B3GLCT: variants seen among roughly 807,000 people sequenced by gnomAD.
B3GLCT encodes beta-1,3-glucosyltransferase.
Under a neutral mutation model 63.4 loss-of-function variants are expected in B3GLCT, and 65 were observed. The ratio of observed to expected loss-of-function variants is 1.03; its 90% CI spans 0.84 to 1.26. The LOEUF (loss-of-function observed/expected upper bound fraction) is 1.26. Ranked by LOEUF, B3GLCT falls within the 50% of genes most tolerant of loss-of-function variation. The probability of loss-of-function intolerance (pLI) is 0.00; values close to 1 mark genes in which losing one functional copy is unlikely to be tolerated. For missense variants in B3GLCT, 577 were observed against 604.8 expected (o/e 0.95, Z 0.48); for synonymous variants, 233 against 219.2 (o/e 1.06, Z -0.55).
At chr13:31,295,744 G>T (rs1873903494) in intron 12 of B3GLCT, among the ~76,000 whole-genome samples, 2 of 152,218 alleles carry the variant, frequency 1.3e-5, no homozygotes, top group South Asian at 4.1e-4. Flanking sequence ...ATCTTAGCTT[G>T]CTGGGCTCCG....
chr13:31,200,564 C>A (rs899473916), intron 1 of B3GLCT, among the ~76,000 whole-genome samples: 1 of 151,028 alleles, frequency 6.6e-6, no homozygotes, highest in South Asian at 2.1e-4. Flanking sequence ...GCGGTCCCGC[C>A]CCCCTGCCTT....
intron 4 of B3GLCT, 73 bp downstream of exon 4, chr13:31,229,367 A>G: frequency 1.1e-6 from 1 of 896,296 alleles, no homozygotes; most frequent in Non-Finnish European, 1.9e-6. Flanking sequence ...AAAACACTGG[A>G]TCCGTGGAGA....
chr13:31,289,921 G>T (rs1332563701), intron 12 of B3GLCT, among the ~76,000 whole-genome samples: 1 of 151,640 alleles, frequency 6.6e-6, no homozygotes, highest in Non-Finnish European at 1.5e-5. Flanking sequence ...AAATGTGCAG[G>T]TTTGTTACAT....
At chr13:31,280,931 A>T (rs1159280970) in intron 10 of B3GLCT, among the ~76,000 whole-genome samples, 1 of 152,220 alleles carries the variant, frequency 6.6e-6, no homozygotes, top group African/African-American at 2.4e-5. Context: ...ACATAAGGTG[A>T]TGAATTGGGC....
intron 5 of B3GLCT, among the ~76,000 whole-genome samples, chr13:31,247,490 G>A (rs1186880819): frequency 6.6e-6 from 1 of 152,132 alleles, no homozygotes; most frequent in African/African-American, 2.4e-5. Flanking sequence ...GGCCAGGATG[G>A]CCTTGATCTG....
chr13:31,236,676 A>AT (rs1156280376), intron 4 of B3GLCT, among the ~76,000 whole-genome samples: 1 of 152,202 alleles, frequency 6.6e-6, no homozygotes, highest in African/African-American at 2.4e-5. Flanking sequence ...AGGTAATTTC[A>AT]TTTTTGGGTT....
chr13:31,251,820 C>T (rs1181875909), intron 6 of B3GLCT, among the ~76,000 whole-genome samples: 3 of 152,114 alleles, frequency 2.0e-5, no homozygotes, highest in Non-Finnish European at 4.4e-5. Context: ...GAGAACTTCC[C>T]CAACGTAGCA....
chr13:31,262,818 T>A (rs1787999354), intron 7 of B3GLCT, among the ~76,000 whole-genome samples: 2 of 152,182 alleles, frequency 1.3e-5, no homozygotes, highest in Admixed American at 1.3e-4. Flanking sequence ...CCTCTAGCCT[T>A]CCTCATTTGA....
intron 14 of B3GLCT, among the ~76,000 whole-genome samples, chr13:31,328,978 G>A (rs183723347): frequency 3.3e-5 from 5 of 152,316 alleles, no homozygotes; most frequent in Admixed American, 2.6e-4. Flanking sequence ...TGGTCAGGAA[G>A]AGAGCATGAG....
At chr13:31,269,646 C>A (rs899154678) in intron 8 of B3GLCT, among the ~76,000 whole-genome samples, 5 of 150,070 alleles carry the variant, frequency 3.3e-5, no homozygotes, top group South Asian at 2.1e-4. Flanking sequence ...TGTCCCCGCC[C>A]CCCTAATTCA....
chr13:31,245,306 TTA>T (rs539714895), intron 4 of B3GLCT, among the ~76,000 whole-genome samples: 1 of 152,098 alleles, frequency 6.6e-6, no homozygotes, highest in African/African-American at 2.4e-5. Context: ...TGATATTACA[TTA>T]TATATATATC....
intron 3 of B3GLCT, among the ~76,000 whole-genome samples, chr13:31,228,917 A>T (rs1437512396): frequency 2.0e-5 from 3 of 152,240 alleles, no homozygotes; most frequent in African/African-American, 7.2e-5. Context: ...TCTTTCTGAC[A>T]TATGCGGGAG....
intron 4 of B3GLCT, among the ~76,000 whole-genome samples, chr13:31,244,704 A>G (rs1871113594): frequency 6.6e-6 from 1 of 152,140 alleles, no homozygotes; most frequent in Non-Finnish European, 1.5e-5. Flanking sequence ...TCTAAGTGTA[A>G]TATTACATCT....
In B3GLCT at chr13:31,229,205, G is replaced by T; in HGVS notation, c.181G>T (p.Val61Phe). Residue 61 changes from valine to phenylalanine, a missense_variant, in exon 4 of 15, where the codon GTC (valine) becomes TTC (phenylalanine). Physicochemically the swap from Val to Phe is conservative, Grantham distance 50 (BLOSUM62 -1). Transcript: ENST00000343307. ...TCTAGACTTAAAAGGAATTGTATTC[G>T]TCATCCAGAGTCAAAGTAATTCTTT... ...NDIDLKGIVF[V>F]IQSQSNSFHA... 1.2e-6 allele frequency: 2 copies of T among 1,608,632 alleles called. No homozygotes were observed. Among genetic ancestry groups the T allele is most frequent in the Non-Finnish European group, 1.7e-6 (2 of 1,175,262 alleles).
chr13:31,279,692 T>C (rs1872967324), intron 10 of B3GLCT, among the ~76,000 whole-genome samples: 2 of 152,170 alleles, frequency 1.3e-5, no homozygotes, highest in South Asian at 4.1e-4. Context: ...TAATATCTTA[T>C]CAGGGGACAG....
intron 1 of B3GLCT, among the ~76,000 whole-genome samples, chr13:31,208,627 C>CTA (rs11377540): frequency 7.5e-6 from 1 of 133,182 alleles, no homozygotes; most frequent in African/African-American, 2.9e-5. Flanking sequence ...TGGCCCCCCC[C>CTA]CCCCGCTCAC....
chr13:31,272,175 C>A (rs1259182666), intron 8 of B3GLCT, among the ~76,000 whole-genome samples: 1 of 150,516 alleles, frequency 6.6e-6, no homozygotes, highest in African/African-American at 2.4e-5. Flanking sequence ...TATTTGACTT[C>A]TATCACTTTA....
In B3GLCT at chr13:31,276,681, TTTTTC is replaced by T. The variant is rs1566076919; in HGVS notation, c.781-11_781-7del. The T allele has an allele frequency of 6.4e-7, 1 of 1,573,618 alleles. No homozygotes were observed. Among genetic ancestry groups the T allele is most frequent in the Non-Finnish European group, 8.7e-7 (1 of 1,144,412 alleles). ...AACGCTGACTCACATATGCATACAT[TTTTTC>T]TTTTCTTTTTTTTAGAGAAAGCCAG... On this transcript the variant is annotated splice_polypyrimidine_tract_variant and intron_variant, in intron 9 of 14. Transcript: ENST00000343307.
At position 31,331,742 on chromosome 13, in the gene B3GLCT, A is replaced by G. The variant is rs1053803483; in HGVS notation, c.*2074A>G. On this transcript the variant is annotated 3_prime_UTR_variant, in exon 15 of 15. Coordinates refer to ENST00000343307, the MANE Select transcript of B3GLCT (RefSeq NM_194318.4). ...AAGCCATTGTGTTTTGTTATATAAC[A>G]AATCAGAGATGTTATTTTAGAATCG... 5 of 152,248 alleles carry G rather than the reference A, an allele frequency of 3.3e-5. No individual in the cohort carries two copies. Among genetic ancestry groups the G allele is most frequent in the African/African-American group, 1.2e-4 (5 of 41,472 alleles). 9.4% of individuals were successfully genotyped at this position (152,248 alleles called of 1,614,324 possible). A position where few individuals can be genotyped will look rare whatever the true frequency, so the allele number is the denominator to read the frequency against.
Sources: gnomAD v4.1 joint callset for allele counts (sites outside exome capture counted in the v4.1 genomes callset) on GRCh38, gnomAD v4.1.1 for gene constraint, MANE v1.5 for transcripts, NCBI Gene and HGNC (gene_info 2026-07-23, HGNC 2026-07-21) for gene names.